The following AGAP1 variants were observed in gnomAD, a reference collection of about 807,000 sequenced individuals.
AGAP1 encodes arf-GAP with GTPase, ANK repeat and PH domain-containing protein 1.
AGAP1 carries 29 observed loss-of-function variants against 105.3 expected under a neutral mutation model. The observed-to-expected ratio is 0.28, with a 90% CI of 0.21 to 0.38. The LOEUF is 0.38. Ranked by LOEUF, AGAP1 falls within the 10% of genes least tolerant of loss-of-function variation. The probability of loss-of-function intolerance (pLI) is 1.00; values close to 1 mark genes in which losing one functional copy is unlikely to be tolerated. For missense variants in AGAP1, 998 were observed against 1,165.1 expected (o/e 0.86, Z 2.09); for synonymous variants, 509 against 485.9 (o/e 1.05, Z -0.63).
Position 236,124,000 on chromosome 2 carries a change from A to C in AGAP1, c.2452A>C (p.Ile818Leu), listed in dbSNP as rs768501940. Residue 818 changes from isoleucine to leucine, a missense_variant, in exon 18 of 18, where the codon ATC becomes CTC. By Grantham distance (5) the Ile-to-Leu change is conservative. This residue lies in a region of AGAP1 where 235 missense variants were observed against 270.7 expected (regional missense o/e 0.87). Coordinates refer to ENST00000304032, the MANE Select transcript of AGAP1 (RefSeq NM_001037131.3). The surrounding 1 kb of genome is among the most constrained non-coding windows in gnomAD (Gnocchi z 4.6). The stretch of plus-strand genomic sequence containing the variant: ...CCGGCAGGCCTCCAGCCAGGAGTGC[A>C]TCGACGTGCTGCTGCAGTACGGCTG... ...YARQASSQEC[I>L]DVLLQYGCPD... 2.5e-6 allele frequency: 4 copies of C among 1,614,006 alleles called. No homozygotes were observed. The highest frequency in any genetic ancestry group is 3.4e-6 in the Non-Finnish European group (4 of 1,180,004).
chr2:235,594,770 C>T (rs1945463428), intron 1 of AGAP1, among the ~76,000 whole-genome samples: 1 of 151,944 alleles, frequency 6.6e-6, no homozygotes, highest in Non-Finnish European at 1.5e-5. Context: ...GATGGGGTCT[C>T]ACCATGTTGA....
In AGAP1 at chr2:235,729,927, G is replaced by A. The variant is rs1321542204; in HGVS notation, c.311-11036G>A. ...GCAAGGCCTAAAATGTTTACTTTCTGGCCTTTTACACAGGCAGTTCGCCAG... is the reference window on the plus strand; with the variant it reads ...GCAAGGCCTAAAATGTTTACTTTCTAGCCTTTTACACAGGCAGTTCGCCAG... On this transcript the variant is annotated intron_variant, in intron 3 of 17. Coordinates refer to ENST00000304032, the MANE Select transcript of AGAP1 (RefSeq NM_001037131.3). The surrounding 1 kb of genome is among the most constrained non-coding windows in gnomAD (Gnocchi z 5.0). Among the ~76,000 whole-genome samples, 5 of 152,032 alleles carry A rather than the reference G, an allele frequency of 3.3e-5. No homozygotes were observed. Among genetic ancestry groups the A allele is most frequent in the Non-Finnish European group, 7.4e-5 (5 of 68,016 alleles).
chr2:235,721,471 AATATT>A lies in AGAP1; in HGVS notation c.310+3830_310+3834del, dbSNP rs1951377577. 7.8e-6 allele frequency among the ~76,000 whole-genome samples: 1 copy of A among 127,912 alleles called. No homozygotes were observed. The highest frequency in any genetic ancestry group is 2.8e-5 in the African/African-American group (1 of 35,384). 83.9% of individuals were successfully genotyped at this position (127,912 alleles called of 152,430 possible). A position where few individuals can be genotyped will look rare whatever the true frequency, so the allele number is the denominator to read the frequency against. On this transcript the variant is annotated intron_variant, in intron 3 of 17. Coordinates refer to ENST00000304032, the MANE Select transcript of AGAP1 (RefSeq NM_001037131.3). The surrounding 1 kb of genome is among the most constrained non-coding windows in gnomAD (Gnocchi z 4.5). ...AACCTCTTGGATTGACAGATTCCTT[AATATT>A]ATGTGTGTGTGTGTGTGTGTGTGTG...
intron 12 of AGAP1, among the ~76,000 whole-genome samples, chr2:235,945,896 G>C (rs1375924973): frequency 1.3e-5 from 2 of 149,928 alleles, no homozygotes; most frequent in East Asian, 2.0e-4. Context: ...GCTGGCGGTG[G>C]TGGTGGGGGC....
Position 235,737,915 on chromosome 2 carries a change from G to T in AGAP1, c.311-3048G>T, listed in dbSNP as rs528743268. Among the ~76,000 whole-genome samples the T allele has an allele frequency of 3.9e-5, 6 of 152,122 alleles. No homozygotes were observed. In the South Asian group the frequency reaches 6.2e-4, roughly 16 times the overall value. ...AAGCCTCATCAAAGTTGAACCTTAG[G>T]GTTCATCAAGCAGGGAGGGCTTCCA... On this transcript the variant is annotated intron_variant, in intron 3 of 17. Transcript: ENST00000304032. This position sits in a 1 kb window ranked among gnomAD's most constrained non-coding sequence, Gnocchi z 4.5.
chr2:235,633,849 T>A lies in AGAP1; in HGVS notation c.164-75330T>A, dbSNP rs6744101. On this transcript the variant is annotated intron_variant, in intron 1 of 17. Transcript: ENST00000304032. This position sits in a 1 kb window ranked among gnomAD's most constrained non-coding sequence, Gnocchi z 4.8. Reference sequence around the variant, plus strand: ...TGGTTTCTATGACCTGTCTTAGGGATGAAGAATTCTAGTTCCTGTGGCTCA... The same window carrying A: ...TGGTTTCTATGACCTGTCTTAGGGAAGAAGAATTCTAGTTCCTGTGGCTCA... 0.74 allele frequency among the ~76,000 whole-genome samples: 112,178 copies of A among 152,088 alleles called. 41,622 individuals are homozygous for A. Among genetic ancestry groups the A allele is most frequent in the African/African-American group, 0.82 (34,037 of 41,492 alleles).
rs937197545 is a variant in AGAP1, at chr2:236,062,920, A to T, written c.2114+13639A>T. Among the ~76,000 whole-genome samples the T allele has an allele frequency of 6.6e-6, 1 of 151,926 alleles. No individual in the cohort carries two copies. Among genetic ancestry groups the T allele is most frequent in the Non-Finnish European group, 1.5e-5 (1 of 67,994 alleles). ...CATGATCCACCCACCTTGGCCTCCC[A>T]GAGTGCTGGGATTACAAGTATGAGC... On this transcript the variant is annotated intron_variant, in intron 16 of 17. Transcript: ENST00000304032. This position sits in a 1 kb window ranked among gnomAD's most constrained non-coding sequence, Gnocchi z 4.2.
intron 9 of AGAP1, among the ~76,000 whole-genome samples, chr2:235,836,090 T>C (rs1960120291): frequency 6.6e-6 from 1 of 152,260 alleles, no homozygotes; most frequent in South Asian, 2.1e-4. Context: ...TTTGTGTGTT[T>C]GTCAGTATAA....
At chr2:235,776,794 G>T (rs1955903117) in intron 6 of AGAP1, among the ~76,000 whole-genome samples, 2 of 152,148 alleles carry the variant, frequency 1.3e-5, no homozygotes, top group South Asian at 4.1e-4. Context: ...TCAAAGCCTT[G>T]CTCTGAGCGA....
rs1946148139 is a variant in AGAP1 at position 235,612,142 on chromosome 2, C to T, written c.164-97037C>T. ...TTTCAGGACTTTGTTTTCCAGATGG[C>T]TTATTGTTTCACACGTTTTCTTTTC... On this transcript the variant is annotated intron_variant, in intron 1 of 17. Transcript: ENST00000304032. The surrounding 1 kb of genome is among the most constrained non-coding windows in gnomAD (Gnocchi z 4.3). Among the ~76,000 whole-genome samples, 1 of 152,184 alleles carries T rather than the reference C, an allele frequency of 6.6e-6. No individual in the cohort carries two copies. Among genetic ancestry groups the T allele is most frequent in the Non-Finnish European group, 1.5e-5 (1 of 68,034 alleles).
rs534746213 is a variant in AGAP1 at position 235,567,934 on chromosome 2, C to T, written c.163+73085C>T. On this transcript the variant is annotated intron_variant, in intron 1 of 17. Coordinates refer to ENST00000304032, the MANE Select transcript of AGAP1 (RefSeq NM_001037131.3). Reference sequence around the variant, plus strand: ...GGCTGTGCACTAGAGGATGCACTGGCGCAGAACTGAGACATTTCTGGAAGG... The same window carrying T: ...GGCTGTGCACTAGAGGATGCACTGGTGCAGAACTGAGACATTTCTGGAAGG... 5.9e-5 allele frequency among the ~76,000 whole-genome samples: 9 copies of T among 152,208 alleles called. No homozygotes were observed. The South Asian group carries it at 6.2e-4, about 11-fold the overall frequency.
At position 235,953,808 on chromosome 2, in the gene AGAP1, C is replaced by A. The variant is rs13395184; in HGVS notation, c.1484-14654C>A. The stretch of plus-strand genomic sequence containing the variant: ...CATGGTGGGTCATACCTGTGGTCCA[C>A]GCTCCTTGGGAGGCTGAGGCAGGAG... On this transcript the variant is annotated intron_variant, in intron 12 of 17. Coordinates refer to ENST00000304032, the MANE Select transcript of AGAP1 (RefSeq NM_001037131.3). This position sits in a 1 kb window ranked among gnomAD's most constrained non-coding sequence, Gnocchi z 5.2. Among the ~76,000 whole-genome samples, 7,290 of 152,116 alleles carry A rather than the reference C, an allele frequency of 0.048. 577 individuals carry two copies. Among genetic ancestry groups the A allele is most frequent in the African/African-American group, 0.17 (6,893 of 41,444 alleles).
Position 236,035,831 on chromosome 2 carries a change from C to T in AGAP1, c.1646-730C>T, listed in dbSNP as rs1053792440. 1.3e-5 allele frequency among the ~76,000 whole-genome samples: 2 copies of T among 152,102 alleles called. No homozygotes were observed. The highest frequency in any genetic ancestry group is 2.1e-4 in the South Asian group (1 of 4,822). Reference sequence around the variant, plus strand: ...AACTAGCAGAAAAGCATTAGACAGTCGGTGCCCTTTTCCTTCATTTTATGG... The same window carrying T: ...AACTAGCAGAAAAGCATTAGACAGTTGGTGCCCTTTTCCTTCATTTTATGG... On this transcript the variant is annotated intron_variant, in intron 13 of 17. Coordinates refer to ENST00000304032, the MANE Select transcript of AGAP1 (RefSeq NM_001037131.3). The surrounding 1 kb of genome is among the most constrained non-coding windows in gnomAD (Gnocchi z 4.2).
At chr2:235,840,098 G>A (rs1327415506) in intron 9 of AGAP1, among the ~76,000 whole-genome samples, 1 of 152,232 alleles carries the variant, frequency 6.6e-6, no homozygotes, top group East Asian at 1.9e-4. Flanking sequence ...TCTTCCCACA[G>A]CCTGTGGTTT....
rs546717163 is a variant in AGAP1 at position 235,569,370 on chromosome 2, A to G, written c.163+74521A>G. Among the ~76,000 whole-genome samples the G allele has an allele frequency of 6.6e-6, 1 of 152,322 alleles. No homozygotes were observed. The highest frequency in any genetic ancestry group is 2.4e-5 in the African/African-American group (1 of 41,572). On this transcript the variant is annotated intron_variant, in intron 1 of 17. Transcript: ENST00000304032. The surrounding 1 kb of genome is among the most constrained non-coding windows in gnomAD (Gnocchi z 5.9). ...CCCCGAGTGGGTGCCTCTCCTGGCC[A>G]GGTGTCCCCTTGTGTATGTTATCCT...
intron 12 of AGAP1, among the ~76,000 whole-genome samples, chr2:235,946,378 C>G (rs1372238783): frequency 6.6e-6 from 1 of 150,820 alleles, no homozygotes; most frequent in East Asian, 2.0e-4. Context: ...CTCTTCCTCC[C>G]AGGTTCAAGC....
chr2:235,796,660 T>C (rs1957257866), intron 6 of AGAP1, among the ~76,000 whole-genome samples: 1 of 152,234 alleles, frequency 6.6e-6, no homozygotes. Flanking sequence ...ATTAAAATTG[T>C]ATTCATTTGG....
chr2:236,110,489 G>T (rs561025116), intron 16 of AGAP1, among the ~76,000 whole-genome samples: 32 of 152,218 alleles, frequency 2.1e-4, no homozygotes, highest in African/African-American at 7.5e-4. Flanking sequence ...CTTGAGCCCG[G>T]GAGTTCCAGA....
At chr2:235,542,096 A>C (rs1435334759) in intron 1 of AGAP1, among the ~76,000 whole-genome samples, 2 of 152,224 alleles carry the variant, frequency 1.3e-5, no homozygotes, top group Admixed American at 1.3e-4. Flanking sequence ...CCTTTGTGCA[A>C]ACAGGGTTAT....
Sources: allele counts gnomAD v4.1 joint callset (sites outside exome capture counted in the v4.1 genomes callset), GRCh38; gene constraint gnomAD v4.1.1; regional missense constraint gnomAD v4.1.1; non-coding constraint Gnocchi (gnomAD v3.1); transcripts MANE v1.5; gene names NCBI Gene and HGNC (gene_info 2026-07-23, HGNC 2026-07-21).